DOCK7: variants seen among roughly 807,000 people sequenced by gnomAD.
DOCK7 encodes dedicator of cytokinesis 7.
In DOCK7, 138 loss-of-function variants were observed where a neutral mutation model predicts 271.0. The observed-to-expected ratio is 0.51, with a 90% CI of 0.44 to 0.59. DOCK7 has a LOEUF of 0.59. DOCK7 is among the 20% of genes least tolerant of loss of function. The probability of loss-of-function intolerance (pLI) is 0.00; values close to 1 mark genes in which losing one functional copy is unlikely to be tolerated. For synonymous variants in DOCK7, 823 were observed against 876.1 expected (o/e 0.94, Z 1.07); for missense variants, 2,066 against 2,592.4 (o/e 0.80, Z 4.41).
chr1:62,623,473 T>C (rs1653537297), intron 12 of DOCK7, among the ~76,000 whole-genome samples: 1 of 152,186 alleles, frequency 6.6e-6, no homozygotes, highest in Admixed American at 6.5e-5. Context: ...CAGAACATGG[T>C]GATGAATGCT....
At chr1:62,526,082 G>A (rs917112279) in intron 31 of DOCK7, among the ~76,000 whole-genome samples, 16 of 152,212 alleles carry the variant, frequency 1.1e-4, no homozygotes, top group African/African-American at 3.9e-4. Flanking sequence ...GACTACAGTA[G>A]GCACATGCCA....
chr1:62,466,324 A>C (rs888187945), intron 48 of DOCK7, among the ~76,000 whole-genome samples: 3 of 152,314 alleles, frequency 2.0e-5, no homozygotes, highest in Middle Eastern at 3.4e-3. Context: ...TAAGGCAAAA[A>C]GGGATAGGCT....
At chr1:62,649,971 C>T (rs1333322170) in intron 4 of DOCK7, among the ~76,000 whole-genome samples, 3 of 152,194 alleles carry the variant, frequency 2.0e-5, no homozygotes, top group East Asian at 3.9e-4. Flanking sequence ...AACAGAAGGT[C>T]GAGCATGGTG....
At chr1:62,553,312 T>TATATATATATATG (rs1553168301) in intron 21 of DOCK7, among the ~76,000 whole-genome samples, 1 of 20,586 alleles carries the variant, frequency 4.9e-5, no homozygotes, top group African/African-American at 2.0e-4. Flanking sequence ...AAAAAGTATT[T>TATATATATATATG]TATATATATA....
intron 14 of DOCK7, among the ~76,000 whole-genome samples, chr1:62,594,043 T>C (rs1461572665): frequency 6.6e-6 from 1 of 152,134 alleles, no homozygotes; most frequent in African/African-American, 2.4e-5. Context: ...CTAAGAAATT[T>C]TTATATTGGT....
Position 62,504,761 on chromosome 1 carries a change from C to G in DOCK7, c.4633G>C (p.Glu1545Gln). Residue 1545 changes from glutamate to glutamine, a missense_variant, in exon 37 of 50, where the codon GAA (glutamate) becomes CAA (glutamine). Transcript: ENST00000635253. Reference sequence around the variant, plus strand: ...AAATCAGCACACTGCTCTGTCTCTTCTTCAAATAAGAGTTCAGGAAACTGT... The same window carrying G: ...AAATCAGCACACTGCTCTGTCTCTTGTTCAAATAAGAGTTCAGGAAACTGT... ...VSKFPELLFE[E>Q]ETEQCADLCL... 6.2e-7 allele frequency: 1 copy of G among 1,612,580 alleles called. No individual in the cohort carries two copies. The highest frequency in any genetic ancestry group is 2.2e-5 in the East Asian group (1 of 44,858).
chr1:62,508,845 T>G (rs373313936), intron 34 of DOCK7, among the ~76,000 whole-genome samples: 2 of 152,112 alleles, frequency 1.3e-5, no homozygotes, highest in East Asian at 3.8e-4. Context: ...AATGTAAGAA[T>G]AATTACACAT....
intron 19 of DOCK7, 134 bp from the exon 20 acceptor site, chr1:62,559,354 T>A (rs1646247569): frequency 1.8e-6 from 1 of 568,730 alleles, no homozygotes; most frequent in East Asian, 2.8e-5. Context: ...ACAAACATTG[T>A]TTCCAATTAA....
chr1:62,463,677 C>T (rs192324254), intron 48 of DOCK7, among the ~76,000 whole-genome samples: 60 of 151,804 alleles, frequency 4.0e-4, no homozygotes, highest in African/African-American at 1.4e-3. Flanking sequence ...AAAACAGCAA[C>T]TCACAAAACA....
Position 62,488,921 on chromosome 1 carries a change from T to C in DOCK7, c.5493+13A>G, listed in dbSNP as rs1327531736. The C allele has an allele frequency of 6.2e-7, 1 of 1,613,418 alleles. No individual in the cohort carries two copies. The highest frequency in any genetic ancestry group is 1.3e-5 in the African/African-American group (1 of 74,878). On this transcript the variant is annotated intron_variant, in intron 42 of 49. Transcript: ENST00000635253. The stretch of plus-strand genomic sequence containing the variant: ...TTTCCCTTTATAGTGAAGCTAGAAA[T>C]TGGAATCATTACCTGATGAACAATT...
chr1:62,617,491 A>C (rs1183455761), intron 14 of DOCK7, among the ~76,000 whole-genome samples: 5 of 152,002 alleles, frequency 3.3e-5, no homozygotes. Context: ...ATTCAAGATC[A>C]GAGACTGTCT....
At chr1:62,503,011 G>A (rs915789904) in intron 37 of DOCK7, among the ~76,000 whole-genome samples, 2 of 152,076 alleles carry the variant, frequency 1.3e-5, no homozygotes, top group African/African-American at 2.4e-5. Flanking sequence ...TACCATAAGA[G>A]ATGAAATTCA....
intron 24 of DOCK7, chr1:62,543,166 T>C (rs1247532730): frequency 1.3e-5 from 2 of 148,424 alleles, no homozygotes; most frequent in Non-Finnish European, 1.5e-5. Flanking sequence ...TAAAAAAAAA[T>C]AGCAGAAGAT....
At chr1:62,687,334 AACC>A (rs751779630) in intron 1 of DOCK7, among the ~76,000 whole-genome samples, 5 of 152,262 alleles carry the variant, frequency 3.3e-5, no homozygotes, top group South Asian at 2.1e-4. Flanking sequence ...GGTGGCAACC[AACC>A]ACCACAAGTA....
intron 2 of DOCK7, among the ~76,000 whole-genome samples, chr1:62,661,453 ATATC>A (rs1658652763): frequency 6.6e-6 from 1 of 151,980 alleles, no homozygotes; most frequent in Non-Finnish European, 1.5e-5. Context: ...TTTTACCACT[ATATC>A]TATTATATAT....
At chr1:62,524,710 C>T (rs1035349462) in intron 31 of DOCK7, among the ~76,000 whole-genome samples, 1 of 151,310 alleles carries the variant, frequency 6.6e-6, no homozygotes, top group African/African-American at 2.4e-5. Context: ...CCAGCCTGGC[C>T]AACATAGTGA....
chr1:62,570,707 C>T (rs1406268733), intron 18 of DOCK7, among the ~76,000 whole-genome samples: 1 of 152,040 alleles, frequency 6.6e-6, no homozygotes, highest in African/African-American at 2.4e-5. Flanking sequence ...CAAAAACAGA[C>T]ACATAGACCA....
intron 35 of DOCK7, 42 bp from the exon 36 acceptor site, chr1:62,505,858 C>T: frequency 6.3e-7 from 1 of 1,587,834 alleles, no homozygotes; most frequent in Non-Finnish European, 8.6e-7. Flanking sequence ...GATGTACTTG[C>T]AATTTAGTTA....
intron 19 of DOCK7, among the ~76,000 whole-genome samples, chr1:62,559,579 T>C (rs1383854058): frequency 1.3e-5 from 2 of 152,140 alleles, no homozygotes; most frequent in African/African-American, 4.8e-5. Flanking sequence ...TAAGGCAAAC[T>C]CATCGCCATA....
Sources: gnomAD v4.1 joint callset for allele counts (sites outside exome capture counted in the v4.1 genomes callset) on GRCh38, gnomAD v4.1.1 for gene constraint, MANE v1.5 for transcripts, NCBI Gene and HGNC (gene_info 2026-07-23, HGNC 2026-07-21) for gene names.